The following JAKMIP3 variants were observed in gnomAD, a reference collection of about 807,000 sequenced individuals.
JAKMIP3 encodes the protein janus kinase and microtubule-interacting protein 3.
JAKMIP3 carries 58 observed loss-of-function variants against 118.5 expected under a neutral mutation model. That is an observed-to-expected ratio of 0.49 (90% CI 0.40 to 0.61). The LOEUF is 0.61. Among genes scored for constraint, JAKMIP3 ranks in the 20% least tolerant of loss-of-function variants. The pLI is 0.00. For synonymous variants in JAKMIP3, 486 were observed against 451.2 expected (o/e 1.08, Z -0.98); for missense variants, 950 against 1,109.0 (o/e 0.86, Z 2.04).
Position 132,120,718 on chromosome 10 carries a change from C to T in JAKMIP3, c.633+3144C>T, listed in dbSNP as rs563969275. Among the ~76,000 whole-genome samples, 3 of 152,284 alleles carry T rather than the reference C, an allele frequency of 2.0e-5. No individual in the cohort carries two copies. In the South Asian group the frequency reaches 6.2e-4, roughly 32 times the overall value. ...ACCGGGACCCTTTCTTCCTGGGGAC[C>T]CTGTCCCAATGGGGCCCCCTTGCCT... On this transcript the variant is annotated intron_variant, in intron 3 of 23. Coordinates refer to ENST00000684848, the MANE Select transcript of JAKMIP3 (RefSeq NM_001323087.2).
chr10:132,180,558 C>CGTGTGTGT (rs1282156847), intron 23 of JAKMIP3, among the ~76,000 whole-genome samples: 2 of 24,998 alleles, frequency 8.0e-5, no homozygotes, highest in African/African-American at 6.6e-4. Context: ...TGCGTGCATG[C>CGTGTGTGT]GTGTGTGTGC....
chr10:132,139,208 GTGTA>G (rs1564947529), intron 9 of JAKMIP3, among the ~76,000 whole-genome samples: 1 of 146,820 alleles, frequency 6.8e-6, no homozygotes, highest in African/African-American at 2.6e-5. Flanking sequence ...GAGTGTGTGT[GTGTA>G]TGTGTGTACA....
At chr10:132,042,206 C>CCTTT (rs1380335116) in intron 1 of JAKMIP3, among the ~76,000 whole-genome samples, 1 of 150,010 alleles carries the variant, frequency 6.7e-6, no homozygotes, top group African/African-American at 2.5e-5. Flanking sequence ...TTCCTTCCTT[C>CCTTT]CTTCCTTCCT....
At chr10:132,099,116 C>G (rs2044421815) in intron 1 of JAKMIP3, among the ~76,000 whole-genome samples, 1 of 152,136 alleles carries the variant, frequency 6.6e-6, no homozygotes, top group Admixed American at 6.5e-5. Context: ...TGATTGACTT[C>G]TCGGTGTCCT....
At chr10:132,085,473 TCTTA>T (rs1236098676) in intron 1 of JAKMIP3, among the ~76,000 whole-genome samples, 3 of 151,908 alleles carry the variant, frequency 2.0e-5, no homozygotes, top group African/African-American at 7.3e-5. Flanking sequence ...TCTTGGTTAA[TCTTA>T]CTAATGGTCT....
intron 22 of JAKMIP3, 145 bp from the exon 23 acceptor site, chr10:132,167,807 AC>A: frequency 7.4e-6 from 3 of 404,462 alleles, no homozygotes; most frequent in African/African-American, 2.7e-5. Flanking sequence ...TTCGGTCCTC[AC>A]CCCTCACCCC....
At chr10:132,152,369 C>T (rs896710880) in intron 16 of JAKMIP3, among the ~76,000 whole-genome samples, 2 of 152,212 alleles carry the variant, frequency 1.3e-5, no homozygotes, top group Non-Finnish European at 2.9e-5. Flanking sequence ...ATGCAGGCTG[C>T]AGCAGAGTCT....
At position 132,182,800 on chromosome 10, in the gene JAKMIP3, T is replaced by C. The variant is rs769777695; in HGVS notation, c.*1547T>C. 28 of 152,338 alleles carry C rather than the reference T, an allele frequency of 1.8e-4. No individual in the cohort carries two copies. The highest frequency in any genetic ancestry group is 3.4e-3 in the Middle Eastern group (1 of 294). The allele number at this position is 152,338 out of a possible 1,614,324, so 9.4% of individuals were successfully genotyped here. A position where few individuals can be genotyped will look rare whatever the true frequency, so the allele number is the denominator to read the frequency against. On this transcript the variant is annotated 3_prime_UTR_variant, in exon 24 of 24. Coordinates refer to ENST00000684848, the MANE Select transcript of JAKMIP3 (RefSeq NM_001323087.2). Reference sequence around the variant, plus strand: ...AAGAAATGTCTGACTTTGGGGCAGATGACACGGTGGCTGCGGACCAGGCAT... The same window carrying C: ...AAGAAATGTCTGACTTTGGGGCAGACGACACGGTGGCTGCGGACCAGGCAT...
chr10:132,137,366 G>A lies in JAKMIP3; in HGVS notation c.1284+77G>A. The A allele has an allele frequency of 1.9e-6, 3 of 1,568,276 alleles. No individual in the cohort carries two copies. In the Admixed American group the frequency reaches 5.1e-5, roughly 26 times the overall value. ...CCCGTGGGACCCATTCTGTGCCCAGGGCTCCTCACAGACCAGACAGAAGCG... is the reference window on the plus strand; with the variant it reads ...CCCGTGGGACCCATTCTGTGCCCAGAGCTCCTCACAGACCAGACAGAAGCG... On this transcript the variant is annotated intron_variant, in intron 8 of 23. Transcript: ENST00000684848.
At chr10:132,068,618 T>C (rs370341848) in intron 1 of JAKMIP3, among the ~76,000 whole-genome samples, 26 of 152,266 alleles carry the variant, frequency 1.7e-4, no homozygotes, top group African/African-American at 6.0e-4. Flanking sequence ...ACTGGAGGTG[T>C]CTCCTGTCCT....
intron 1 of JAKMIP3, among the ~76,000 whole-genome samples, chr10:132,100,373 G>A (rs2044659047): frequency 6.6e-6 from 1 of 152,172 alleles, no homozygotes; most frequent in African/African-American, 2.4e-5. Context: ...GGGGGTGTCT[G>A]GGCCACCACC....
At chr10:132,148,457 C>G (rs1049732793) in intron 14 of JAKMIP3, among the ~76,000 whole-genome samples, 1 of 95,996 alleles carries the variant, frequency 1.0e-5, no homozygotes, top group African/African-American at 3.2e-5. Context: ...CTCCATCTGC[C>G]CGTCCTCCAT....
chr10:132,092,747 G>A (rs868865583), intron 1 of JAKMIP3, among the ~76,000 whole-genome samples: 8 of 151,882 alleles, frequency 5.3e-5, no homozygotes, highest in Non-Finnish European at 8.8e-5. Context: ...TTTGATCATC[G>A]GAAGCCTACT....
At chr10:132,038,591 G>A (rs2037596282) in intron 1 of JAKMIP3, among the ~76,000 whole-genome samples, 2 of 152,162 alleles carry the variant, frequency 1.3e-5, no homozygotes, top group South Asian at 4.1e-4. Flanking sequence ...GAGTTCAGGA[G>A]TTCTAGACCA....
chr10:132,103,379 A>G (rs2045329222), intron 1 of JAKMIP3, among the ~76,000 whole-genome samples: 2 of 142,002 alleles, frequency 1.4e-5, no homozygotes, highest in South Asian at 5.0e-4. Flanking sequence ...GGAGAGAGGA[A>G]CATCAGAGAC....
chr10:132,141,661 G>T (rs374050818), intron 10 of JAKMIP3, among the ~76,000 whole-genome samples: 4 of 152,132 alleles, frequency 2.6e-5, no homozygotes, highest in African/African-American at 9.7e-5. Context: ...GTCCTCAGCC[G>T]TGCAGCCGAC....
chr10:132,133,645 C>T (rs2051109278), intron 4 of JAKMIP3, 118 bp downstream of exon 4: 1 of 932,500 alleles, frequency 1.1e-6, no homozygotes, highest in Non-Finnish European at 1.6e-6. Context: ...TGAGGCAGCA[C>T]CCTCCTGCCT....
Position 132,148,017 on chromosome 10 carries a change from C to G in JAKMIP3, c.1815C>G (p.Asn605Lys). The G allele has an allele frequency of 1.9e-6, 3 of 1,610,414 alleles. No homozygotes were observed. The highest frequency in any genetic ancestry group is 2.5e-6 in the Non-Finnish European group (3 of 1,178,428). The change falls in exon 14 of 24, where the codon AAC becomes AAG. Residue 605 changes from asparagine (N) to lysine (K), a missense_variant. Physicochemically the swap from Asn to Lys is moderately conservative, Grantham distance 94. Transcript: ENST00000684848. ...RHEVQDARDQNELLEFRILEL... is the reference protein window; with the variant it reads ...RHEVQDARDQKELLEFRILEL... The stretch of plus-strand genomic sequence containing the variant: ...AGGTGCAGGACGCCAGAGACCAAAA[C>G]GAGCTGCTGGAGTTCAGGATCCTGG...
chr10:132,075,967 A>G lies in JAKMIP3; in HGVS notation c.-138+9906A>G, dbSNP rs542699776. Among the ~76,000 whole-genome samples the G allele has an allele frequency of 5.9e-5, 9 of 152,218 alleles. 1 individual carries two copies. The South Asian group carries it at 1.2e-3, about 21-fold the overall frequency. ...CCTTTCAACTTGTATCTGTCTGGAA[A>G]TGTTTACTTCTCGTTTTTTGTTTTT... On this transcript the variant is annotated intron_variant, in intron 1 of 23. Coordinates refer to ENST00000684848, the MANE Select transcript of JAKMIP3 (RefSeq NM_001323087.2).
Sources: gnomAD v4.1 joint callset for allele counts (sites outside exome capture counted in the v4.1 genomes callset) on GRCh38, gnomAD v4.1.1 for gene constraint, MANE v1.5 for transcripts, NCBI Gene and HGNC (gene_info 2026-07-23, HGNC 2026-07-21) for gene names.